SKI: variants seen among roughly 807,000 people sequenced by gnomAD.
SKI encodes ski oncogene.
In SKI, 23 loss-of-function variants were observed where a neutral mutation model predicts 59.3. The observed-to-expected ratio is 0.39, with a 90% CI of 0.28 to 0.55. SKI has a LOEUF of 0.55. Ranked by LOEUF, SKI falls within the 20% of genes least tolerant of loss-of-function variation. The probability of loss-of-function intolerance (pLI) is 0.67; values close to 1 mark genes in which losing one functional copy is unlikely to be tolerated. For synonymous variants in SKI, 673 were observed against 488.6 expected (o/e 1.38, Z -4.98); for missense variants, 1,017 against 1,038.9 (o/e 0.98, Z 0.29).
At chr1:2,294,435 C>T (rs1184084978) in intron 1 of SKI, among the ~76,000 whole-genome samples, 2 of 152,368 alleles carry the variant, frequency 1.3e-5, no homozygotes, top group South Asian at 2.1e-4. Context: ...CGCTGGCCTC[C>T]CCCGTGCGGG....
chr1:2,246,275 C>T (rs966016492), intron 1 of SKI, among the ~76,000 whole-genome samples: 1 of 152,154 alleles, frequency 6.6e-6, no homozygotes, highest in African/African-American at 2.4e-5. Flanking sequence ...TCTCATTTCC[C>T]TGATGATTAG....
intron 1 of SKI, among the ~76,000 whole-genome samples, chr1:2,281,191 C>T (rs867261546): frequency 0.029 from 192 of 6,632 alleles, 93 homozygotes; most frequent in African/African-American, 0.055. Context: ...CAGGCGGTGG[C>T]GGAGATCTTC....
Position 2,303,953 on chromosome 1 carries a change from C to A in SKI, c.1325C>A (p.Ala442Asp), listed in dbSNP as rs780554312. 1 of 1,611,920 alleles carries A rather than the reference C, an allele frequency of 6.2e-7. No homozygotes were observed. Among genetic ancestry groups the A allele is most frequent in the South Asian group, 1.1e-5 (1 of 91,026 alleles). Residue 442 changes from alanine to aspartate, a missense_variant, in exon 4 of 7, where the codon GCC becomes GAC. Transcript: ENST00000378536. The surrounding 1 kb of genome is among the most constrained non-coding windows in gnomAD (Gnocchi z 5.6). The stretch of plus-strand genomic sequence containing the variant: ...CCGTGTGCCGCCGCCGTCTCCCGGG[C>A]CCCCGAGCCTCTCGCCACTTGCACC... ...SPPCAAAVSR[A>D]PEPLATCTQP...
At chr1:2,292,786 G>A (rs1640191848) in intron 1 of SKI, among the ~76,000 whole-genome samples, 1 of 152,222 alleles carries the variant, frequency 6.6e-6, no homozygotes, top group African/African-American at 2.4e-5. Flanking sequence ...GAGGAGGTGG[G>A]GGTGGTCTTC....
At chr1:2,275,552 C>T (rs995090623) in intron 1 of SKI, among the ~76,000 whole-genome samples, 2 of 152,004 alleles carry the variant, frequency 1.3e-5, no homozygotes. Context: ...CTCGCTCTGT[C>T]GCCCAGGCTG....
chr1:2,232,496 C>G (rs187119296), intron 1 of SKI: 1 of 152,416 alleles, frequency 6.6e-6, no homozygotes, highest in Non-Finnish European at 1.5e-5. Flanking sequence ...GTGCCTGAGC[C>G]TCTGGCCTGT....
At position 2,229,265 on chromosome 1, in the gene SKI, C is replaced by T. The variant is rs1414591217; in HGVS notation, c.499C>T (p.Leu167=). The T allele has an allele frequency of 1.9e-6, 3 of 1,598,916 alleles. No individual in the cohort carries two copies. The highest frequency in any genetic ancestry group is 1.7e-5 in the Admixed American group (1 of 57,848). The change falls in exon 1 of 7, where the codon CTG becomes TTG. Residue 167 remains leucine (L), a synonymous_variant. Coordinates refer to ENST00000378536, the MANE Select transcript of SKI (RefSeq NM_003036.4). This position sits in a 1 kb window ranked among gnomAD's most constrained non-coding sequence, Gnocchi z 6.3. ...GGAGATCCTCAAAGTCATGGGCATC[C>T]TGCCCTTCTCGGCGCCCTCGTGCGG... The part of the protein sequence containing the change: ...QLEILKVMGI[L]PFSAPSCGLI...
intron 1 of SKI, among the ~76,000 whole-genome samples, chr1:2,246,637 C>T (rs1177389112): frequency 1.3e-5 from 2 of 152,096 alleles, no homozygotes; most frequent in Non-Finnish European, 2.9e-5. Context: ...CTCCTTTGTG[C>T]GAGCTGGGCG....
In SKI at chr1:2,276,786, C is replaced by T. The variant is rs186611531; in HGVS notation, c.970-26192C>T. ...GCTGAGTTCCTGATTGCTGTCTTTG[C>T]GTAACTTAGGAACCCCGATGAAGAG... On this transcript the variant is annotated intron_variant, in intron 1 of 6. Transcript: ENST00000378536. Among the ~76,000 whole-genome samples the T allele has an allele frequency of 1.4e-3, 210 of 152,276 alleles. 1 individual carries two copies. The highest frequency in any genetic ancestry group is 4.8e-3 in the African/African-American group (200 of 41,548).
intron 1 of SKI, among the ~76,000 whole-genome samples, chr1:2,296,279 C>T (rs1367572846): frequency 2.6e-5 from 4 of 151,974 alleles, no homozygotes; most frequent in Non-Finnish European, 2.9e-5. Context: ...CTTGTAGTCC[C>T]AGCTACTCAG....
At chr1:2,305,280 G>A (rs1259013389) in intron 5 of SKI, among the ~76,000 whole-genome samples, 1 of 152,226 alleles carries the variant, frequency 6.6e-6, no homozygotes, top group Admixed American at 6.5e-5. Flanking sequence ...AGGCAGAGCT[G>A]CCTGGGGAGA....
At chr1:2,265,794 C>G (rs140988776) in intron 1 of SKI, among the ~76,000 whole-genome samples, 2 of 151,946 alleles carry the variant, frequency 1.3e-5, no homozygotes, top group Non-Finnish European at 2.9e-5. Context: ...TGGAGAAACC[C>G]TGTCTCTACT....
chr1:2,244,336 G>A (rs932291455), intron 1 of SKI, among the ~76,000 whole-genome samples: 1 of 151,996 alleles, frequency 6.6e-6, no homozygotes, highest in African/African-American at 2.4e-5. Context: ...CCAGCACTTT[G>A]GGAGGCCAAG....
chr1:2,265,884 T>C (rs974708192), intron 1 of SKI, among the ~76,000 whole-genome samples: 2 of 151,980 alleles, frequency 1.3e-5, no homozygotes, highest in African/African-American at 4.8e-5. Flanking sequence ...GGGAGGATCA[T>C]TTGAACCCGG....
rs958119362 is a variant in SKI at position 2,269,058 on chromosome 1, C to T, written c.970-33920C>T. ...TTGTTGGTTCAAGTGATCCTCCCAC[C>T]TCAGCCTCATGAGTAGCCGAGACTA... On this transcript the variant is annotated intron_variant, in intron 1 of 6. Coordinates refer to ENST00000378536, the MANE Select transcript of SKI (RefSeq NM_003036.4). The surrounding 1 kb of genome is among the most constrained non-coding windows in gnomAD (Gnocchi z 4.7). Among the ~76,000 whole-genome samples, 9 of 152,274 alleles carry T rather than the reference C, an allele frequency of 5.9e-5. No individual in the cohort carries two copies. The highest frequency in any genetic ancestry group is 2.2e-4 in the African/African-American group (9 of 41,560).
At chr1:2,289,057 C>G (rs1640106010) in intron 1 of SKI, among the ~76,000 whole-genome samples, 2 of 152,176 alleles carry the variant, frequency 1.3e-5, no homozygotes, top group Non-Finnish European at 2.9e-5. Flanking sequence ...CTGCACCCAC[C>G]CGGGAAGTGG....
intron 1 of SKI, chr1:2,240,555 T>C: frequency 1.0e-6 from 1 of 985,452 alleles, no homozygotes; most frequent in Non-Finnish European, 1.2e-6. Context: ...GCTGGCTTCC[T>C]GGGGCCATCG....
chr1:2,291,368 G>A (rs1261264146), intron 1 of SKI, among the ~76,000 whole-genome samples: 1 of 152,230 alleles, frequency 6.6e-6, no homozygotes. Context: ...GGGGTCTGTG[G>A]TTCGAGGCTG....
At chr1:2,237,531 C>T (rs888454518) in intron 1 of SKI, among the ~76,000 whole-genome samples, 2 of 152,234 alleles carry the variant, frequency 1.3e-5, no homozygotes, top group Non-Finnish European at 2.9e-5. Context: ...GACCCGCCCT[C>T]ACCCTGTCCT....
Sources: allele counts gnomAD v4.1 joint callset (sites outside exome capture counted in the v4.1 genomes callset), GRCh38; gene constraint gnomAD v4.1.1; non-coding constraint Gnocchi (gnomAD v3.1); transcripts MANE v1.5; gene names NCBI Gene and HGNC (gene_info 2026-07-23, HGNC 2026-07-21).